HRNR: variants seen among roughly 807,000 people sequenced by gnomAD.
HRNR encodes the protein hornerin.
HRNR carries 7 observed loss-of-function variants against 4.8 expected under a neutral mutation model. That is an observed-to-expected ratio of 1.47 (90% confidence interval 0.83 to 2.75). The LOEUF (loss-of-function observed/expected upper bound fraction) is 2.75, where lower values mean the gene tolerates loss of function less well. Ranked by LOEUF, HRNR falls within the 30% of genes most tolerant of loss-of-function variation. The probability of loss-of-function intolerance (pLI) is 0.00; values close to 1 mark genes in which losing one functional copy is unlikely to be tolerated. For missense variants in HRNR, 2,879 were observed against 3,010.4 expected (o/e 0.96, Z 1.02); for synonymous variants, 1,023 against 1,242.7 (o/e 0.82, Z 3.72).
At chr1:152,223,863 G>A (rs72696969) in intron 1 of HRNR, among the ~76,000 whole-genome samples, 24,041 of 152,172 alleles carry the variant, frequency 0.16, 3,130 homozygotes, top group East Asian at 0.57. Context: ...ACAATAGAGA[G>A]GAAAAGCTCA....
Position 152,213,084 on chromosome 1 carries a change from A to G in HRNR, c.8545T>C (p.Tyr2849His), listed in dbSNP as rs767177997. 2.0e-5 allele frequency: 33 copies of G among 1,611,110 alleles called. No homozygotes were observed. The South Asian group carries it at 2.9e-4, about 14-fold the overall frequency. Residue 2849 changes from tyrosine to histidine, a missense_variant, in exon 3 of 3, where the codon TAT becomes CAT. Physicochemically the swap from Tyr to His is moderately conservative, Grantham distance 83 (BLOSUM62 2). This residue lies in a region of HRNR where 158 missense variants were observed against 107.6 expected (regional missense o/e 1.47). Transcript: ENST00000368801. ...GCATTTATGTTTATTATTCACTGAT[A>G]AAAGTAGCACCTCTGCTCTTGGACA... is the stretch of plus-strand genomic sequence containing the variant. ...EYVQEQRCYF[Y>H]Q is the part of the protein sequence containing the mutation.
At position 152,213,529 on chromosome 1, in the gene HRNR, GC is replaced by G; in HGVS notation, c.8099del (p.Gly2700AlafsTer153). ...GACTGTAAGCAGAGGAATGTCCTGA[GC>G]CAGACTCATGTTGACCAAAGACAGA... ...HSSVFGQHES[G>X]SGHSSAYSQH... On this transcript the variant is annotated frameshift_variant, in exon 3 of 3. Transcript: ENST00000368801. LOFTEE classifies it low-confidence loss of function (END_TRUNC). 7.4e-7 allele frequency: 1 copy of G among 1,346,972 alleles called. No homozygotes were observed. Among genetic ancestry groups the G allele is most frequent in the Non-Finnish European group, 1.0e-6 (1 of 970,480 alleles). The allele number at this position is 1,346,972 out of a possible 1,614,324, so 83.4% of individuals were successfully genotyped here. A position where few individuals can be genotyped will look rare whatever the true frequency, so the allele number is the denominator to read the frequency against.
rs202225999 is a variant in HRNR, at chr1:152,218,597, C to T, written c.3032G>A (p.Arg1011His). ...CCCGGAACCAGACCCATGTCGGCCACGGCTAGGGCTAGGAGACTGGCCAGA... is the reference window on the plus strand; with the variant it reads ...CCCGGAACCAGACCCATGTCGGCCATGGCTAGGGCTAGGAGACTGGCCAGA... ...SGSGQSPSPS[R>H]GRHGSGSGQS... Residue 1011 changes from arginine to histidine, a missense_variant, in exon 3 of 3, where the codon CGT (arginine) becomes CAT (histidine). Physicochemically the swap from Arg to His is conservative, Grantham distance 29. Around this residue, in one of 8 missense-constraint regions of HRNR, gnomAD observed 2,646 missense variants for 1,377.7 expected, o/e 1.92. Transcript: ENST00000368801. The T allele has an allele frequency of 1.6e-4, 252 of 1,612,402 alleles. 4 individuals carry two copies. The East Asian group carries it at 3.2e-3, about 21-fold the overall frequency.
chr1:152,220,771 A>G lies in HRNR; in HGVS notation c.858T>C (p.His286=). 6.2e-7 allele frequency: 1 copy of G among 1,614,154 alleles called. No individual in the cohort carries two copies. Among genetic ancestry groups the G allele is most frequent in the Non-Finnish European group, 8.5e-7 (1 of 1,180,000 alleles). The change falls in exon 3 of 3, where the codon CAT becomes CAC. Residue 286 remains histidine (H), a synonymous_variant. Coordinates refer to ENST00000368801, the MANE Select transcript of HRNR (RefSeq NM_001009931.3). The part of the protein sequence containing the change: ...SSGSSSSYGQ[H]GSGSRQSLGH... ...CCAAAGACTGACGGGAACCAGACCC[A>G]TGCTGACCATAGCTGGAAGACGAAC...
chr1:152,222,356 C>G lies in HRNR; in HGVS notation c.138+760G>C, dbSNP rs61224006. Among the ~76,000 whole-genome samples the G allele has an allele frequency of 5.1e-3, 781 of 152,170 alleles. 14 individuals carry two copies. Among genetic ancestry groups the G allele is most frequent in the African/African-American group, 0.018 (743 of 41,516 alleles). ...ACTTCATTTTAAGAGCAATTGGGAA[C>G]TATTGAAGGATTTTTAGCTGAGGAG... is the stretch of plus-strand genomic sequence containing the variant. On this transcript the variant is annotated intron_variant, in intron 2 of 2. Coordinates refer to ENST00000368801, the MANE Select transcript of HRNR (RefSeq NM_001009931.3).
Position 152,219,054 on chromosome 1 carries a change from A to G in HRNR, c.2575T>C (p.Ser859Pro). 2 of 1,613,684 alleles carry G rather than the reference A, an allele frequency of 1.2e-6. No individual in the cohort carries two copies. Among genetic ancestry groups the G allele is most frequent in the Non-Finnish European group, 1.7e-6 (2 of 1,179,958 alleles). The change falls in exon 3 of 3, where the codon TCT becomes CCT. Residue 859 changes from serine to proline, a missense_variant. Coordinates refer to ENST00000368801, the MANE Select transcript of HRNR (RefSeq NM_001009931.3). ...TAGCTGGAAGATTGACCTGAGCTAG[A>G]GTCATGTTGGCCGGAGCTTGATGAC... ...GQSSSSGQHD[S>P]SSGQSSSYGQ...
chr1:152,223,180 T>C lies in HRNR; in HGVS notation c.74A>G (p.Tyr25Cys), dbSNP rs1324536359. The change falls in exon 2 of 3, where the codon TAT (tyrosine) becomes TGT (cysteine). Residue 25 changes from tyrosine to cysteine, a missense_variant. Around this residue, in one of 8 missense-constraint regions of HRNR, gnomAD observed 2,646 missense variants for 1,377.7 expected, o/e 1.92. Coordinates refer to ENST00000368801, the MANE Select transcript of HRNR (RefSeq NM_001009931.3). ...CAGCTCTGCCTTGTTCAACGTATCA[T>C]ACTCCCCATGCTGGGTGGCATATTG... ...FYQYATQHGE[Y>C]DTLNKAELKE... 1.2e-6 allele frequency: 2 copies of C among 1,613,854 alleles called. No homozygotes were observed. The highest frequency in any genetic ancestry group is 1.7e-6 in the Non-Finnish European group (2 of 1,179,778).
In HRNR at chr1:152,220,342, A is replaced by C. The variant is rs1486611389; in HGVS notation, c.1287T>G (p.Arg429=). ...TGGGAGACTGCCCTGACCCAGACCC[A>C]CGCTGGCCGTGGCCTGGAGACTGGC... ...GSGQSPGHGQ[R]GSGSGQSPSS... is the part of the protein sequence containing the mutation. The change falls in exon 3 of 3, where the codon CGT becomes CGG. Residue 429 remains arginine (R), a synonymous_variant. Coordinates refer to ENST00000368801, the MANE Select transcript of HRNR (RefSeq NM_001009931.3). 2.5e-6 allele frequency: 4 copies of C among 1,612,476 alleles called. No homozygotes were observed. The East Asian group carries it at 6.7e-5, about 27-fold the overall frequency.
rs753942220 is a variant in HRNR, at chr1:152,218,723, C to T, written c.2906G>A (p.Arg969Lys). Residue 969 changes from arginine (R) to lysine (K), a missense_variant, in exon 3 of 3, where the codon AGG (arginine) becomes AAG (lysine). Around this residue, in one of 8 missense-constraint regions of HRNR, gnomAD observed 2,646 missense variants for 1,377.7 expected, o/e 1.92. Coordinates refer to ENST00000368801, the MANE Select transcript of HRNR (RefSeq NM_001009931.3). ...TGAGCTAGATCCATGTTGTTCGCTC[C>T]TAGATGACTGTCCTGACCTAGAGCC... The part of the protein sequence containing the change: ...QHGSRSGQSS[R>K]SEQHGSSSGS... 5 of 1,613,996 alleles carry T rather than the reference C, an allele frequency of 3.1e-6. No individual in the cohort carries two copies. Among genetic ancestry groups the T allele is most frequent in the Non-Finnish European group, 4.2e-6 (5 of 1,180,016 alleles).
At chr1:152,221,539 C>T (rs374561986) in intron 2 of HRNR, 49 bp from the exon 3 acceptor site, 6 of 1,369,974 alleles carry the variant, frequency 4.4e-6, no homozygotes, top group African/African-American at 4.3e-5. Context: ...ATGGACAATA[C>T]ATCTGGCTAA....
In HRNR at chr1:152,220,412, G is replaced by T; in HGVS notation, c.1217C>A (p.Ala406Asp). The stretch of plus-strand genomic sequence containing the variant: ...GCCGCGGCCTGAAGAGTGACGGGAG[G>T]CAGACTCATGCTGACCATAGCTGGA... ...QSSSYGQHES[A>D]SRHSSGRGQH... Residue 406 changes from alanine to aspartate, a missense_variant, in exon 3 of 3, where the codon GCC becomes GAC. Ala to Asp is a moderately radical substitution (Grantham distance 126). Transcript: ENST00000368801. 3 of 1,613,318 alleles carry T rather than the reference G, an allele frequency of 1.9e-6. No homozygotes were observed. The highest frequency in any genetic ancestry group is 2.2e-5 in the South Asian group (2 of 91,030).
At position 152,218,894 on chromosome 1, in the gene HRNR, C is replaced by A; in HGVS notation, c.2735G>T (p.Gly912Val). The A allele has an allele frequency of 6.2e-7, 1 of 1,613,940 alleles. No homozygotes were observed. The highest frequency in any genetic ancestry group is 2.2e-5 in the East Asian group (1 of 44,868). The change falls in exon 3 of 3, where the codon GGC becomes GTC. Residue 912 changes from glycine (G) to valine (V), a missense_variant. By Grantham distance (109) the Gly-to-Val change is moderately radical (BLOSUM62 -3). Coordinates refer to ENST00000368801, the MANE Select transcript of HRNR (RefSeq NM_001009931.3). The part of the protein sequence containing the change: ...QSPSYGRHGS[G>V]SGRSSSSGRH... ...GCCACTGCTGGAAGACCGACCGGAG[C>A]CAGACCCATGTCGGCCATAGCTGGG...
Position 152,218,715 on chromosome 1 carries a change from G to T in HRNR, c.2914C>A (p.Gln972Lys), listed in dbSNP as rs201446749. 45 of 1,613,980 alleles carry T rather than the reference G, an allele frequency of 2.8e-5. No homozygotes were observed. The East Asian group carries it at 9.4e-4, about 34-fold the overall frequency. Reference sequence around the variant, plus strand: ...GACGAACCTGAGCTAGATCCATGTTGTTCGCTCCTAGATGACTGTCCTGAC... The same window carrying T: ...GACGAACCTGAGCTAGATCCATGTTTTTCGCTCCTAGATGACTGTCCTGAC... ...SRSGQSSRSE[Q>K]HGSSSGSSSS... is the part of the protein sequence containing the mutation. The change falls in exon 3 of 3, where the codon CAA (glutamine) becomes AAA (lysine). Residue 972 changes from glutamine to lysine, a missense_variant. Gln to Lys is a moderately conservative substitution (Grantham distance 53, BLOSUM62 1). Transcript: ENST00000368801.
Position 152,219,531 on chromosome 1 carries a change from C to T in HRNR, c.2098G>A (p.Gly700Ser), listed in dbSNP as rs201569733. The stretch of plus-strand genomic sequence containing the variant: ...CCTGAGCCAGACTTGTGACCAAAGC[C>T]GGAAGACTGGCCTGAGACAGACCCA... ...PHGSVSGQSS[G>S]FGHKSGSGQS... The change falls in exon 3 of 3, where the codon GGC becomes AGC. Residue 700 changes from glycine to serine, a missense_variant. Transcript: ENST00000368801. 1.9e-4 allele frequency: 314 copies of T among 1,613,634 alleles called. No individual in the cohort carries two copies. Among genetic ancestry groups the T allele is most frequent in the East Asian group, 3.3e-4 (15 of 44,830 alleles).
chr1:152,220,748 A>G lies in HRNR; in HGVS notation c.881T>C (p.Leu294Ser), dbSNP rs374474639. 17 of 1,612,824 alleles carry G rather than the reference A, an allele frequency of 1.1e-5. No homozygotes were observed. The African/African-American group carries it at 2.0e-4, about 19-fold the overall frequency. The change falls in exon 3 of 3, where the codon TTG becomes TCG. Residue 294 changes from leucine to serine, a missense_variant. Leu to Ser is a moderately radical substitution (Grantham distance 145). This residue lies in a region of HRNR where 2,646 missense variants were observed against 1,377.7 expected (regional missense o/e 1.92). Coordinates refer to ENST00000368801, the MANE Select transcript of HRNR (RefSeq NM_001009931.3). ...GQHGSGSRQS[L>S]GHGRQGSGSR... is the part of the protein sequence containing the mutation. ...TCCAGACCCTTGTCGGCCGTGGCCC[A>G]AAGACTGACGGGAACCAGACCCATG...
rs1018204876 is a variant in HRNR, at chr1:152,212,099, T to A, written c.*977A>T. ...TAGTATTTAATCAACATTTATTTAT[T>A]GTCAATTTTAATACAATCCGGTTGT... On this transcript the variant is annotated 3_prime_UTR_variant, in exon 3 of 3. Coordinates refer to ENST00000368801, the MANE Select transcript of HRNR (RefSeq NM_001009931.3). The A allele has an allele frequency of 7.2e-5, 11 of 152,242 alleles. No homozygotes were observed. Among genetic ancestry groups the A allele is most frequent in the Admixed American group, 4.6e-4 (7 of 15,286 alleles). The allele number at this position is 152,242 out of a possible 1,614,324, so 9.4% of individuals were successfully genotyped here.
In HRNR at chr1:152,212,994, GC is replaced by G. The variant is rs1648442232; in HGVS notation, c.*81del. ...TTTAGAACGAATTTCATGATGGATT[GC>G]TTGTCTTTCATGATGAATTCATAGA... is the stretch of plus-strand genomic sequence containing the variant. On this transcript the variant is annotated 3_prime_UTR_variant, in exon 3 of 3. Transcript: ENST00000368801. 6.6e-7 allele frequency: 1 copy of G among 1,521,370 alleles called. No individual in the cohort carries two copies. The highest frequency in any genetic ancestry group is 8.8e-7 in the Non-Finnish European group (1 of 1,132,660). The allele number at this position is 1,521,370 out of a possible 1,614,324, so 94.2% of individuals were successfully genotyped here.
intron 2 of HRNR, 53 bp from the exon 3 acceptor site, chr1:152,221,543 T>A: frequency 7.5e-7 from 1 of 1,332,670 alleles, no homozygotes; most frequent in Non-Finnish European, 1.0e-6. Context: ...ACAATACATC[T>A]GGCTAACGAA....
At position 152,220,017 on chromosome 1, in the gene HRNR, C is replaced by G. The variant is rs1414030464; in HGVS notation, c.1612G>C (p.Gly538Arg). The G allele has an allele frequency of 1.2e-6, 2 of 1,614,082 alleles. No homozygotes were observed. The highest frequency in any genetic ancestry group is 1.7e-6 in the Non-Finnish European group (2 of 1,180,012). The change falls in exon 3 of 3, where the codon GGC (glycine) becomes CGC (arginine). Residue 538 changes from glycine to arginine, a missense_variant. By Grantham distance (125) the Gly-to-Arg change is moderately radical. Around this residue, in one of 8 missense-constraint regions of HRNR, gnomAD observed 2,646 missense variants for 1,377.7 expected, o/e 1.92. Coordinates refer to ENST00000368801, the MANE Select transcript of HRNR (RefSeq NM_001009931.3). Reference sequence around the variant, plus strand: ...CCACGGCTAGGGCTAGGAGACTGGCCAGATCCAGACCCATGTCGGCTGTGT... The same window carrying G: ...CCACGGCTAGGGCTAGGAGACTGGCGAGATCCAGACCCATGTCGGCTGTGT... Reference protein sequence around the residue: ...LGHSRHGSGSGQSPSPSRGRH... With the variant: ...LGHSRHGSGSRQSPSPSRGRH...
Sources: gnomAD v4.1 joint callset for allele counts (sites outside exome capture counted in the v4.1 genomes callset) on GRCh38, gnomAD v4.1.1 for gene constraint, gnomAD v4.1.1 regional missense constraint, MANE v1.5 for transcripts, NCBI Gene and HGNC (gene_info 2026-07-23, HGNC 2026-07-21) for gene names.